Variants in MSRB2 observed in about 807,000 individuals in gnomAD.
The protein encoded by MSRB2 is methionine-R-sulfoxide reductase B2, mitochondrial.
In MSRB2, 17 loss-of-function variants were observed where a neutral mutation model predicts 19.0. The ratio of observed to expected loss-of-function variants is 0.89; its 90% CI spans 0.61 to 1.34. The LOEUF is 1.34. Ranked by LOEUF, MSRB2 falls within the 40% of genes most tolerant of loss-of-function variation. The pLI is 0.00. For missense variants in MSRB2, 208 were observed against 237.6 expected (o/e 0.88, Z 0.82); for synonymous variants, 107 against 99.7 (o/e 1.07, Z -0.44).
rs1393759626 is a variant in MSRB2 at position 23,095,720 on chromosome 10, G to C, written c.112G>C (p.Glu38Gln). The C allele has an allele frequency of 7.9e-7, 1 of 1,263,098 alleles. No homozygotes were observed. The highest frequency in any genetic ancestry group is 9.9e-7 in the Non-Finnish European group (1 of 1,007,900). 78.2% of individuals were successfully genotyped at this position (1,263,098 alleles called of 1,614,324 possible). ...GGPGTGPGLG[E>Q]AGSLATCELP... ...GCCCGGCACCGGGCCGGGACTGGGGGAGGCAGGTAGGACGCGGGTCCCGCA... is the reference window on the plus strand; with the variant it reads ...GCCCGGCACCGGGCCGGGACTGGGGCAGGCAGGTAGGACGCGGGTCCCGCA... The change falls in exon 1 of 5, where the codon GAG becomes CAG. Residue 38 changes from glutamate to glutamine, a missense_variant. Coordinates refer to ENST00000376510, the MANE Select transcript of MSRB2 (RefSeq NM_012228.4).
chr10:23,119,508 G>C (rs933675593), intron 4 of MSRB2, 57 bp downstream of exon 4: 21 of 1,586,250 alleles, frequency 1.3e-5, no homozygotes, highest in Non-Finnish European at 1.8e-5. Context: ...GCCACAAAGA[G>C]CTCTCTTGTT....
chr10:23,098,960 C>T lies in MSRB2; in HGVS notation c.118+3234C>T, dbSNP rs144293823. On this transcript the variant is annotated intron_variant, in intron 1 of 4. Transcript: ENST00000376510. Reference sequence around the variant, plus strand: ...TTTGTCCTGAGACCTCTTTCCTTAACTTGGGGATAGCTGCCTTCTTGCTGT... The same window carrying T: ...TTTGTCCTGAGACCTCTTTCCTTAATTTGGGGATAGCTGCCTTCTTGCTGT... 5.3e-5 allele frequency among the ~76,000 whole-genome samples: 8 copies of T among 152,296 alleles called. No individual in the cohort carries two copies. The East Asian group carries it at 1.5e-3, about 29-fold the overall frequency.
At chr10:23,101,922 T>G (rs962306200) in intron 1 of MSRB2, among the ~76,000 whole-genome samples, 1 of 152,216 alleles carries the variant, frequency 6.6e-6, no homozygotes, top group African/African-American at 2.4e-5. Context: ...GGTAATCTTC[T>G]GACATCATCA....
In MSRB2 at chr10:23,110,282, T is replaced by C. The variant is rs775926786; in HGVS notation, c.260T>C (p.Met87Thr). The C allele has an allele frequency of 6.2e-7, 1 of 1,614,036 alleles. No individual in the cohort carries two copies. Residue 87 changes from methionine (M) to threonine (T), a missense_variant, in exon 3 of 5, where the codon ATG (methionine) becomes ACG (threonine). Transcript: ENST00000376510. ...GIYLNNKEAG[M>T]YHCVCCDSPL... Reference sequence around the variant, plus strand: ...TACCTGAATAACAAGGAAGCAGGAATGTATCATTGCGTGTGCTGCGACAGT... The same window carrying C: ...TACCTGAATAACAAGGAAGCAGGAACGTATCATTGCGTGTGCTGCGACAGT...
intron 3 of MSRB2, among the ~76,000 whole-genome samples, chr10:23,118,073 GCA>G (rs1840132700): frequency 6.6e-6 from 1 of 152,024 alleles, no homozygotes; most frequent in African/African-American, 2.4e-5. Context: ...AAAAATTAAT[GCA>G]CACATATTTT....
intron 4 of MSRB2, among the ~76,000 whole-genome samples, chr10:23,119,838 A>G (rs1588972714): frequency 6.6e-6 from 1 of 152,004 alleles, no homozygotes; most frequent in South Asian, 2.1e-4. Flanking sequence ...CAAGTGATCC[A>G]CCTGCCTCGG....
intron 2 of MSRB2, among the ~76,000 whole-genome samples, chr10:23,104,751 G>A (rs1486675056): frequency 1.3e-5 from 2 of 152,082 alleles, no homozygotes; most frequent in African/African-American, 4.8e-5. Flanking sequence ...TCTTGACACG[G>A]TACTTTGGCC....
chr10:23,097,778 A>T (rs1839883301), intron 1 of MSRB2, among the ~76,000 whole-genome samples: 1 of 152,224 alleles, frequency 6.6e-6, no homozygotes, highest in Admixed American at 6.5e-5. Context: ...TTTTGTTACA[A>T]TGCTTGACAC....
At position 23,101,127 on chromosome 10, in the gene MSRB2, C is replaced by T. The variant is rs554712323; in HGVS notation, c.119-3017C>T. 1.3e-5 allele frequency among the ~76,000 whole-genome samples: 2 copies of T among 152,226 alleles called. 1 individual carries two copies. The highest frequency in any genetic ancestry group is 4.1e-4 in the South Asian group (2 of 4,822). ...CATCACCCGAGCAGTGTACATGGTACCCAATGTGTAGTCTTTTATTCCTCA... is the reference window on the plus strand; with the variant it reads ...CATCACCCGAGCAGTGTACATGGTATCCAATGTGTAGTCTTTTATTCCTCA... On this transcript the variant is annotated intron_variant, in intron 1 of 4. Coordinates refer to ENST00000376510, the MANE Select transcript of MSRB2 (RefSeq NM_012228.4).
At chr10:23,096,346 C>CTGTGTGTGTGTGTGTGTGTGTG (rs1488263441) in intron 1 of MSRB2, among the ~76,000 whole-genome samples, 1 of 61,198 alleles carries the variant, frequency 1.6e-5, no homozygotes, top group African/African-American at 8.7e-5. Context: ...GTGTCTCTCT[C>CTGTGTGTGTGTGTGTGTGTGTG]TCTCTCTGTG....
At position 23,110,536 on chromosome 10, in the gene MSRB2, C is replaced by A. The variant is rs139448814; in HGVS notation, c.296+218C>A. Reference sequence around the variant, plus strand: ...CTAGCATTTAGAGCCATTAACAAGACTTCTTAGCTTATATTCTTCCTTTCT... The same window carrying A: ...CTAGCATTTAGAGCCATTAACAAGAATTCTTAGCTTATATTCTTCCTTTCT... On this transcript the variant is annotated intron_variant, in intron 3 of 4. Coordinates refer to ENST00000376510, the MANE Select transcript of MSRB2 (RefSeq NM_012228.4). 1.8e-3 allele frequency among the ~76,000 whole-genome samples: 267 copies of A among 151,968 alleles called. 1 individual carries two copies. The highest frequency in any genetic ancestry group is 6.1e-3 in the African/African-American group (254 of 41,424).
intron 1 of MSRB2, 70 bp from the exon 2 acceptor site, chr10:23,104,074 A>G (rs1470361652): frequency 5.4e-6 from 7 of 1,285,946 alleles, no homozygotes; most frequent in African/African-American, 2.9e-5. Flanking sequence ...ACTTAGGGAA[A>G]AAGGTCAAGG....
intron 3 of MSRB2, among the ~76,000 whole-genome samples, chr10:23,116,979 A>G (rs967483): frequency 0.89 from 136,083 of 152,180 alleles, 61,543 homozygotes; most frequent in Non-Finnish European, 0.96. Flanking sequence ...CAAAAGGGAG[A>G]GGGTATAATG....
rs1839850549 is a variant in MSRB2, at chr10:23,095,629, G to A, written c.21G>A (p.Leu7=). The change falls in exon 1 of 5, where the codon TTG becomes TTA. Residue 7 remains leucine (L), a synonymous_variant. Transcript: ENST00000376510. MARLLW[L]LRGLTLGTAP... The stretch of plus-strand genomic sequence containing the variant: ...GCGTCATGGCGCGGCTCCTCTGGTT[G>A]CTCCGGGGCCTGACCCTCGGAACTG... 3 of 1,475,170 alleles carry A rather than the reference G, an allele frequency of 2.0e-6. No homozygotes were observed. 91.4% of individuals were successfully genotyped at this position (1,475,170 alleles called of 1,614,324 possible).
At chr10:23,114,639 G>T (rs1390189650) in intron 3 of MSRB2, among the ~76,000 whole-genome samples, 1 of 152,224 alleles carries the variant, frequency 6.6e-6, no homozygotes, top group Non-Finnish European at 1.5e-5. Context: ...CAATGAAGGA[G>T]CCCTCTGGGC....
At chr10:23,110,661 C>T (rs1012540038) in intron 3 of MSRB2, among the ~76,000 whole-genome samples, 1 of 151,008 alleles carries the variant, frequency 6.6e-6, no homozygotes, top group African/African-American at 2.4e-5. Context: ...TTAAAGAAAT[C>T]TAAACCGTGA....
chr10:23,110,310 A>T lies in MSRB2; in HGVS notation c.288A>T (p.Pro96=), dbSNP rs1371125168. Reference sequence around the variant, plus strand: ...ATCATTGCGTGTGCTGCGACAGTCCACTCTTCAGGTAAGATAAAGAATTGA... The same window carrying T: ...ATCATTGCGTGTGCTGCGACAGTCCTCTCTTCAGGTAAGATAAAGAATTGA... The part of the protein sequence containing the change: ...GMYHCVCCDS[P]LFSSEKKYCS... Residue 96 remains proline, a synonymous_variant, in exon 3 of 5, where the codon CCA becomes CCT. Coordinates refer to ENST00000376510, the MANE Select transcript of MSRB2 (RefSeq NM_012228.4). 2.5e-6 allele frequency: 4 copies of T among 1,613,354 alleles called. No homozygotes were observed. In the South Asian group the frequency reaches 4.4e-5, roughly 18 times the overall value.
chr10:23,119,864 G>A (rs533441416), intron 4 of MSRB2, among the ~76,000 whole-genome samples: 54 of 152,256 alleles, frequency 3.5e-4, no homozygotes, highest in Middle Eastern at 3.4e-3. Flanking sequence ...CAAAGTGCTG[G>A]GATTACAGGC....
At chr10:23,113,612 G>A (rs1175665767) in intron 3 of MSRB2, among the ~76,000 whole-genome samples, 2 of 152,160 alleles carry the variant, frequency 1.3e-5, no homozygotes, top group Non-Finnish European at 2.9e-5. Flanking sequence ...CTTAATCCCT[G>A]TAAGCTGGGA....
Sources: gnomAD v4.1 joint callset for allele counts (sites outside exome capture counted in the v4.1 genomes callset) on GRCh38, gnomAD v4.1.1 for gene constraint, MANE v1.5 for transcripts, NCBI Gene and HGNC (gene_info 2026-07-23, HGNC 2026-07-21) for gene names.